Variants in SHE observed in about 807,000 individuals in gnomAD.
The protein encoded by SHE is Src homology 2 domain containing E.
SHE carries 11 observed loss-of-function variants against 49.8 expected under a neutral mutation model. The ratio of observed to expected loss-of-function variants is 0.22; its 90% confidence interval spans 0.14 to 0.37. The LOEUF is 0.37. Among genes scored for constraint, SHE ranks in the 10% least tolerant of loss-of-function variants. The pLI is 1.00. For synonymous variants in SHE, 310 were observed against 278.1 expected (o/e 1.11, Z -1.14); for missense variants, 624 against 655.5 (o/e 0.95, Z 0.52).
chr1:154,498,138 G>A (rs1692593066), intron 2 of SHE, among the ~76,000 whole-genome samples: 1 of 151,988 alleles, frequency 6.6e-6, no homozygotes, highest in South Asian at 2.1e-4. Flanking sequence ...TGTTGCCCAG[G>A]CTGGAGTGCA....
At chr1:154,500,301 TC>T (rs1332149479) in intron 1 of SHE, among the ~76,000 whole-genome samples, 2 of 152,208 alleles carry the variant, frequency 1.3e-5, no homozygotes, top group Non-Finnish European at 2.9e-5. Context: ...TGTGATCTAG[TC>T]ACACAGTCAG....
intron 2 of SHE, among the ~76,000 whole-genome samples, chr1:154,496,018 A>C (rs576361321): frequency 4.1e-4 from 62 of 152,360 alleles, no homozygotes; most frequent in African/African-American, 1.4e-3. Context: ...CAGGTACACA[A>C]GGAGCAAACT....
At position 154,484,224 on chromosome 1, in the gene SHE, A is replaced by G; in HGVS notation, c.1413T>C (p.Tyr471=). ...FDSIPEVVHY[Y]SNEKLPFKGA... ...CTTTGAAAGGCAACTTTTCATTGGA[A>G]TAATAGTGTACCACTTCAGGGATGC... Residue 471 remains tyrosine (Y), a synonymous_variant, in exon 6 of 6, where the codon TAT becomes TAC. Coordinates refer to ENST00000304760, the MANE Select transcript of SHE (RefSeq NM_001010846.3). The G allele has an allele frequency of 6.2e-7, 1 of 1,614,224 alleles. No individual in the cohort carries two copies. The highest frequency in any genetic ancestry group is 8.5e-7 in the Non-Finnish European group (1 of 1,180,042).
At position 154,501,631 on chromosome 1, in the gene SHE, C is replaced by A. The variant is rs1345274504; in HGVS notation, c.396G>T (p.Arg132=). The A allele has an allele frequency of 6.2e-7, 1 of 1,614,186 alleles. No homozygotes were observed. Among genetic ancestry groups the A allele is most frequent in the Admixed American group, 1.7e-5 (1 of 60,026 alleles). ...NSRATEEEPH[R]GATKSSGCST... ...TGCAGCCCGAGCTCTTGGTTGCACC[C>A]CGGTGGGGCTCCTCCTCCGTGGCCC... is the stretch of plus-strand genomic sequence containing the variant. Residue 132 remains arginine, a synonymous_variant, in exon 1 of 6, where the codon CGG becomes CGT. Coordinates refer to ENST00000304760, the MANE Select transcript of SHE (RefSeq NM_001010846.3).
At chr1:154,486,462 T>C in intron 4 of SHE, 65 bp downstream of exon 4, 1 of 1,576,178 alleles carries the variant, frequency 6.3e-7, no homozygotes, top group East Asian at 2.3e-5. Context: ...GCCAATGTGC[T>C]CCCTGATACA....
chr1:154,498,671 T>C (rs1324446656), intron 2 of SHE, among the ~76,000 whole-genome samples: 2 of 152,166 alleles, frequency 1.3e-5, no homozygotes, highest in South Asian at 2.1e-4. Flanking sequence ...GCTGGGATTA[T>C]AGGCACGAGC....
intron 1 of SHE, 42 bp downstream of exon 1, chr1:154,501,394 C>A (rs1386253633): frequency 6.3e-7 from 1 of 1,592,556 alleles, no homozygotes; most frequent in Non-Finnish European, 8.6e-7. Flanking sequence ...CCCAGGGCTC[C>A]CCTTCGACTG....
chr1:154,475,280 AG>A (rs1195476670), downstream of SHE, among the ~76,000 whole-genome samples: 19 of 152,218 alleles, frequency 1.2e-4, no homozygotes, highest in African/African-American at 4.6e-4. Context: ...TCCGCCTCCC[AG>A]GTTCAAGCGA....
In SHE at chr1:154,480,024, C is replaced by T. The variant is rs1308251867; in HGVS notation, c.*4125G>A. ...CTTTTCCCATTAGATGGCAGTAACG[C>T]ACCATCTCTCTTCACACAGGGTCAG... On this transcript the variant is annotated 3_prime_UTR_variant, in exon 6 of 6. Transcript: ENST00000304760. 2 of 985,360 alleles carry T rather than the reference C, an allele frequency of 2.0e-6. No homozygotes were observed. Among genetic ancestry groups the T allele is most frequent in the African/African-American group, 3.5e-5 (2 of 57,240 alleles). 61.0% of individuals were successfully genotyped at this position (985,360 alleles called of 1,614,324 possible). A position where few individuals can be genotyped will look rare whatever the true frequency, so the allele number is the denominator to read the frequency against.
chr1:154,494,396 T>A (rs1014746874), intron 2 of SHE, among the ~76,000 whole-genome samples: 5 of 149,118 alleles, frequency 3.4e-5, no homozygotes, highest in Non-Finnish European at 5.9e-5. Flanking sequence ...TTTTTTTTTT[T>A]AGAGATGGGG....
At chr1:154,499,373 G>T in intron 1 of SHE, 135 bp from the exon 2 acceptor site, 2 of 963,734 alleles carry the variant, frequency 2.1e-6, no homozygotes, top group Non-Finnish European at 2.9e-6. Flanking sequence ...GATAGCTTTT[G>T]CACTTGATCA....
At chr1:154,491,479 T>G (rs943349967) in intron 2 of SHE, among the ~76,000 whole-genome samples, 2 of 152,220 alleles carry the variant, frequency 1.3e-5, no homozygotes, top group African/African-American at 4.8e-5. Flanking sequence ...CGGAGAAGGC[T>G]TTCCTGCCCA....
At chr1:154,469,810 G>A (rs534638825) in exon 2 of SHE, 1 of 153,100 alleles carries the variant, frequency 6.5e-6, no homozygotes, top group Non-Finnish European at 1.5e-5. Context: ...CTGGGAGGGG[G>A]TGTAACACTA....
At chr1:154,470,879 G>A (rs890527504) in intron 1 of SHE, among the ~76,000 whole-genome samples, 20 of 151,836 alleles carry the variant, frequency 1.3e-4, no homozygotes, top group Admixed American at 5.3e-4. Flanking sequence ...GCATGGTGGC[G>A]GTCACCTGTG....
At chr1:154,476,815 T>G (rs754504549), downstream of SHE, among the ~76,000 whole-genome samples, 6 of 152,224 alleles carry the variant, frequency 3.9e-5, no homozygotes, top group Non-Finnish European at 7.3e-5. Context: ...CAAGTAATAA[T>G]TTATCTTTCC....
In SHE at chr1:154,482,367, A is replaced by C; in HGVS notation, c.*1782T>G. The C allele has an allele frequency of 1.0e-6, 1 of 985,350 alleles. No homozygotes were observed. Among genetic ancestry groups the C allele is most frequent in the Non-Finnish European group, 1.2e-6 (1 of 829,904 alleles). 61.0% of individuals were successfully genotyped at this position (985,350 alleles called of 1,614,324 possible). ...TTCCAGTGAGGAAAAGTTCCTCTTA[A>C]ATTTTTAAAATCAAAGATCACACAA... On this transcript the variant is annotated 3_prime_UTR_variant, in exon 6 of 6. Transcript: ENST00000304760.
rs60307202 is a variant in SHE, at chr1:154,482,010, CTTTTTT to C, written c.*2133_*2138del. The C allele has an allele frequency of 2.6e-5, 3 of 113,480 alleles. No homozygotes were observed. Among genetic ancestry groups the C allele is most frequent in the South Asian group, 2.9e-4 (1 of 3,492 alleles). The allele number at this position is 113,480 out of a possible 1,614,324, so 7.0% of individuals were successfully genotyped here. On this transcript the variant is annotated 3_prime_UTR_variant, in exon 6 of 6. Coordinates refer to ENST00000304760, the MANE Select transcript of SHE (RefSeq NM_001010846.3). ...CACAGGCATCCACCACCAGGCCAGG[CTTTTTT>C]TTTTTTTTTTTTTTGAGATGGAGTT...
rs1421381902 is a variant in SHE, at chr1:154,481,485, ATACT to A, written c.*2660_*2663del. 5 of 985,332 alleles carry A rather than the reference ATACT, an allele frequency of 5.1e-6. No homozygotes were observed. The highest frequency in any genetic ancestry group is 9.4e-5 in the South Asian group (2 of 21,296). 61.0% of individuals were successfully genotyped at this position (985,332 alleles called of 1,614,324 possible). A position where few individuals can be genotyped will look rare whatever the true frequency, so the allele number is the denominator to read the frequency against. On this transcript the variant is annotated 3_prime_UTR_variant, in exon 6 of 6. Coordinates refer to ENST00000304760, the MANE Select transcript of SHE (RefSeq NM_001010846.3). The stretch of plus-strand genomic sequence containing the variant: ...TGGGCATATGACAGAAGCTCAATAA[ATACT>A]TAATGTATCTGGCCTGTTTTCAAGA...
At position 154,501,621 on chromosome 1, in the gene SHE, T is replaced by C; in HGVS notation, c.406A>G (p.Lys136Glu). The C allele has an allele frequency of 5.0e-6, 8 of 1,614,210 alleles. No homozygotes were observed. The highest frequency in any genetic ancestry group is 2.2e-5 in the East Asian group (1 of 44,876). ...ATGTAGGTGCTGCAGCCCGAGCTCT[T>C]GGTTGCACCCCGGTGGGGCTCCTCC... The part of the protein sequence containing the change: ...TEEEPHRGAT[K>E]SSGCSTYINR... Residue 136 changes from lysine to glutamate, a missense_variant, in exon 1 of 6, where the codon AAG (lysine) becomes GAG (glutamate). Around this residue, in one of 4 missense-constraint regions of SHE, gnomAD observed 337 missense variants for 306.0 expected, o/e 1.10. Coordinates refer to ENST00000304760, the MANE Select transcript of SHE (RefSeq NM_001010846.3).
Sources: allele counts gnomAD v4.1 joint callset (sites outside exome capture counted in the v4.1 genomes callset), GRCh38; gene constraint gnomAD v4.1.1; regional missense constraint gnomAD v4.1.1; transcripts MANE v1.5; gene names NCBI Gene and HGNC (gene_info 2026-07-23, HGNC 2026-07-21).